Variants in EVI5L observed in about 807,000 individuals in gnomAD.
EVI5L encodes ecotropic viral integration site 5 like, also known as EVI5-like protein.
EVI5L carries 30 observed loss-of-function variants against 106.1 expected under a neutral mutation model. The ratio of observed to expected loss-of-function variants is 0.28; its 90% confidence interval spans 0.21 to 0.38. The LOEUF (loss-of-function observed/expected upper bound fraction) is 0.38. Ranked by LOEUF, EVI5L falls within the 10% of genes least tolerant of loss-of-function variation. The pLI, the probability that EVI5L is intolerant of heterozygous loss-of-function variation, is 1.00. For missense variants in EVI5L, 809 were observed against 1,098.0 expected (o/e 0.74, Z 3.72); for synonymous variants, 489 against 483.3 (o/e 1.01, Z -0.15).
At position 7,863,806 on chromosome 19, in the gene EVI5L, C is replaced by G; in HGVS notation, c.*104C>G. ...TGCCGCACTTGACAAACTACGCGCC[C>G]TCTGTGGCTCGGCCACCCCTAAAGC... On this transcript the variant is annotated 3_prime_UTR_variant, in exon 20 of 20. Transcript: ENST00000538904. The surrounding 1 kb of genome is among the most constrained non-coding windows in gnomAD (Gnocchi z 7.7). 1 of 1,388,550 alleles carries G rather than the reference C, an allele frequency of 7.2e-7. No individual in the cohort carries two copies. Among genetic ancestry groups the G allele is most frequent in the Non-Finnish European group, 9.4e-7 (1 of 1,068,462 alleles). 86.0% of individuals were successfully genotyped at this position (1,388,550 alleles called of 1,614,324 possible). A position where few individuals can be genotyped will look rare whatever the true frequency, so the allele number is the denominator to read the frequency against.
chr19:7,841,308 A>G (rs757595852), intron 1 of EVI5L, among the ~76,000 whole-genome samples: 11 of 152,218 alleles, frequency 7.2e-5, no homozygotes, highest in Non-Finnish European at 1.0e-4. Context: ...CATCAAGATC[A>G]AGGCCAAGGA....
Position 7,857,142 on chromosome 19 carries a change from C to T in EVI5L, c.1233+18C>T, listed in dbSNP as rs753204234. On this transcript the variant is annotated intron_variant, in intron 12 of 19. Coordinates refer to ENST00000538904, the MANE Select transcript of EVI5L (RefSeq NM_001159944.3). This position sits in a 1 kb window ranked among gnomAD's most constrained non-coding sequence, Gnocchi z 4.5. ...TAATCCAGGTACTGTAGCTTTTTAT[C>T]CCCTCTCCGGATTCCTTCCTGGCCC... 5.2e-6 allele frequency: 8 copies of T among 1,551,594 alleles called. No individual in the cohort carries two copies. Among genetic ancestry groups the T allele is most frequent in the Non-Finnish European group, 7.0e-6 (8 of 1,146,978 alleles).
Position 7,862,084 on chromosome 19 carries a change from C to G in EVI5L, c.1645-38C>G, listed in dbSNP as rs548108479. ...GGGCCATCCCCTCGGGGTTCTTGGGCGGAGGCTGACCGCCGGCTTCTCGGC... is the reference window on the plus strand; with the variant it reads ...GGGCCATCCCCTCGGGGTTCTTGGGGGGAGGCTGACCGCCGGCTTCTCGGC... On this transcript the variant is annotated intron_variant, in intron 15 of 19. Coordinates refer to ENST00000538904, the MANE Select transcript of EVI5L (RefSeq NM_001159944.3). 8.6e-4 allele frequency: 1,337 copies of G among 1,547,232 alleles called. 2 individuals carry two copies. The highest frequency in any genetic ancestry group is 1.1e-3 in the Non-Finnish European group (1,256 of 1,148,636).
In EVI5L at chr19:7,853,023, G is replaced by A. The variant is rs112306213; in HGVS notation, c.988-63G>A. The A allele has an allele frequency of 2.4e-4, 378 of 1,574,444 alleles. 7 individuals carry two copies. In the East Asian group the frequency reaches 6.6e-3, roughly 27 times the overall value. ...GCCCCCCTCCAGGGCAACAGGGCTC[G>A]GGCGGCCCCCGGTGGTCAGGGCCTG... On this transcript the variant is annotated intron_variant, in intron 8 of 19. Coordinates refer to ENST00000538904, the MANE Select transcript of EVI5L (RefSeq NM_001159944.3).
rs937061815 is a variant in EVI5L, at chr19:7,856,862, G to A, written c.1201-230G>A. ...CTCCCCCACAGCCGCGGGCACCCCC[G>A]ACCTCCCCGCTCACACCGAACCCCT... On this transcript the variant is annotated intron_variant, in intron 11 of 19. Coordinates refer to ENST00000538904, the MANE Select transcript of EVI5L (RefSeq NM_001159944.3). This position sits in a 1 kb window ranked among gnomAD's most constrained non-coding sequence, Gnocchi z 6.6. 48 of 690,880 alleles carry A rather than the reference G, an allele frequency of 6.9e-5. No individual in the cohort carries two copies. The East Asian group carries it at 7.6e-4, about 11-fold the overall frequency. 42.8% of individuals were successfully genotyped at this position (690,880 alleles called of 1,614,324 possible).
At chr19:7,847,960 G>C in intron 3 of EVI5L, 39 bp downstream of exon 3, 2 of 1,509,156 alleles carry the variant, frequency 1.3e-6, no homozygotes, top group Non-Finnish European at 1.8e-6. Flanking sequence ...GGCCGACGGC[G>C]TGGGCAGGTG....
chr19:7,842,233 G>A (rs926551910), intron 1 of EVI5L, among the ~76,000 whole-genome samples: 12 of 150,786 alleles, frequency 8.0e-5, no homozygotes, highest in African/African-American at 2.7e-4. Context: ...AATATGCATA[G>A]GTGTGTGTGC....
chr19:7,846,772 C>T, intron 2 of EVI5L, 93 bp downstream of exon 2: 1 of 1,484,498 alleles, frequency 6.7e-7, no homozygotes, highest in Admixed American at 2.3e-5. Flanking sequence ...AGAGCCAGGC[C>T]CAGTGTGTGC....
chr19:7,851,397 C>T (rs972435061), intron 6 of EVI5L, 37 bp from the exon 7 acceptor site: 4 of 1,591,758 alleles, frequency 2.5e-6, no homozygotes, highest in Non-Finnish European at 3.4e-6. Flanking sequence ...GGAGGGCGTC[C>T]CCCTCACTGT....
At chr19:7,830,420 A>G (rs1478557438) in intron 1 of EVI5L, 39 bp downstream of exon 1, 1 of 151,264 alleles carries the variant, frequency 6.6e-6, no homozygotes, top group Non-Finnish European at 1.5e-5. Flanking sequence ...GCGCCTGCTC[A>G]GGCCGGCGGC....
intron 8 of EVI5L, among the ~76,000 whole-genome samples, chr19:7,852,386 G>A (rs1954396956): frequency 6.6e-6 from 1 of 152,220 alleles, no homozygotes; most frequent in African/African-American, 2.4e-5. Flanking sequence ...TGGGCCGGGT[G>A]CAGGAGCTGT....
intron 1 of EVI5L, among the ~76,000 whole-genome samples, chr19:7,839,663 C>T (rs1978510815): frequency 6.6e-6 from 1 of 152,122 alleles, no homozygotes; most frequent in Admixed American, 6.5e-5. Context: ...GTGGCTCACA[C>T]CTGTGATCCC....
chr19:7,857,371 T>G lies in EVI5L; in HGVS notation c.1233+247T>G. The G allele has an allele frequency of 1.7e-6, 1 of 604,152 alleles. No individual in the cohort carries two copies. The highest frequency in any genetic ancestry group is 2.9e-6 in the Non-Finnish European group (1 of 340,422). The allele number at this position is 604,152 out of a possible 1,614,324, so 37.4% of individuals were successfully genotyped here. On this transcript the variant is annotated intron_variant, in intron 12 of 19. Transcript: ENST00000538904. The surrounding 1 kb of genome is among the most constrained non-coding windows in gnomAD (Gnocchi z 4.5). ...TTGGGTGTGAATGTCCACATGCATG[T>G]ACAGAAAGCTTCCTCCGGGCGACAC... is the stretch of plus-strand genomic sequence containing the variant.
intron 1 of EVI5L, among the ~76,000 whole-genome samples, chr19:7,832,135 C>CA (rs1427481752): frequency 6.6e-6 from 1 of 152,244 alleles, no homozygotes; most frequent in African/African-American, 2.4e-5. Context: ...TCCCCACTCC[C>CA]AGCTCTGGCC....
Position 7,861,868 on chromosome 19 carries a change from C to T in EVI5L, c.1504-10C>T. 6.4e-7 allele frequency: 1 copy of T among 1,550,660 alleles called. No individual in the cohort carries two copies. Among genetic ancestry groups the T allele is most frequent in the South Asian group, 1.2e-5 (1 of 84,074 alleles). On this transcript the variant is annotated splice_polypyrimidine_tract_variant and intron_variant, in intron 14 of 19. Transcript: ENST00000538904. ...TGCTCCCCCAGGCCCTGACCCCACT[C>T]TTCCCGCAGAGGAACAGCTCGCTGC...
intron 1 of EVI5L, among the ~76,000 whole-genome samples, chr19:7,838,285 A>G (rs1019401745): frequency 6.6e-6 from 1 of 151,790 alleles, no homozygotes; most frequent in Non-Finnish European, 1.5e-5. Flanking sequence ...ATTTTTTTGT[A>G]TCTTTAGTAG....
At chr19:7,860,746 T>A in intron 14 of EVI5L, 57 bp downstream of exon 14, 1 of 1,503,680 alleles carries the variant, frequency 6.7e-7, no homozygotes, top group Non-Finnish European at 8.9e-7. Flanking sequence ...ACAGGAGGGG[T>A]CCTGGATAAG....
chr19:7,864,043 G>A lies in EVI5L; in HGVS notation c.*341G>A. ...CGACCCAGAGGTCCCAGCACTGAAT[G>A]AGCAGGCAGCTCCCACCTCCTGGCA... On this transcript the variant is annotated 3_prime_UTR_variant, in exon 20 of 20. Coordinates refer to ENST00000538904, the MANE Select transcript of EVI5L (RefSeq NM_001159944.3). This position sits in a 1 kb window ranked among gnomAD's most constrained non-coding sequence, Gnocchi z 4.5. The A allele has an allele frequency of 3.5e-6, 1 of 283,380 alleles. No homozygotes were observed. The highest frequency in any genetic ancestry group is 6.6e-6 in the Non-Finnish European group (1 of 152,664). 17.6% of individuals were successfully genotyped at this position (283,380 alleles called of 1,614,324 possible).
intron 1 of EVI5L, among the ~76,000 whole-genome samples, chr19:7,843,429 C>CAA (rs1383260626): frequency 7.1e-5 from 2 of 28,012 alleles, no homozygotes; most frequent in East Asian, 8.4e-4. Flanking sequence ...ATGGGTGTGT[C>CAA]GAGAGTGTGT....
Sources: allele counts gnomAD v4.1 joint callset (sites outside exome capture counted in the v4.1 genomes callset), GRCh38; gene constraint gnomAD v4.1.1; non-coding constraint Gnocchi (gnomAD v3.1); transcripts MANE v1.5; gene names NCBI Gene and HGNC (gene_info 2026-07-23, HGNC 2026-07-21).